CSMD2: variants seen among roughly 807,000 people sequenced by gnomAD.
CSMD2 encodes CUB and sushi domain-containing protein 2.
CSMD2 carries 130 observed loss-of-function variants against 398.5 expected under a neutral mutation model. That is an observed-to-expected ratio of 0.33 (90% CI 0.28 to 0.38). The LOEUF is 0.38. Ranked by LOEUF, CSMD2 falls within the 10% of genes least tolerant of loss-of-function variation. The pLI, the probability that CSMD2 is intolerant of heterozygous loss-of-function variation, is 1.00. For synonymous variants in CSMD2, 1,828 were observed against 1,908.5 expected (o/e 0.96, Z 1.10); for missense variants, 3,829 against 4,764.9 (o/e 0.80, Z 5.78).
In CSMD2 at chr1:33,977,711, C is replaced by T. The variant is rs181740351; in HGVS notation, c.518-41757G>A. Among the ~76,000 whole-genome samples the T allele has an allele frequency of 1.5e-3, 228 of 152,122 alleles. 2 individuals are homozygous for T. The highest frequency in any genetic ancestry group is 0.014 in the Middle Eastern group (4 of 294). ...CCTGAGATGCCCTTCCCTGACCCAA[C>T]CCTTCCACATGCTGACCCTGTGGAA... On this transcript the variant is annotated intron_variant, in intron 3 of 70. Coordinates refer to ENST00000373381, the MANE Select transcript of CSMD2 (RefSeq NM_001281956.2).
At chr1:33,719,280 G>A (rs1571333218) in intron 19 of CSMD2, among the ~76,000 whole-genome samples, 1 of 152,200 alleles carries the variant, frequency 6.6e-6, no homozygotes, top group East Asian at 1.9e-4. Context: ...ATGGAGTTGG[G>A]TGGAGAGCGG....
chr1:34,043,548 A>G (rs1652119951), intron 2 of CSMD2, among the ~76,000 whole-genome samples: 1 of 152,218 alleles, frequency 6.6e-6, no homozygotes. Context: ...AAGACTATCT[A>G]TAACCTTTTC....
At chr1:33,821,997 A>G (rs578070165) in intron 7 of CSMD2, among the ~76,000 whole-genome samples, 2 of 152,256 alleles carry the variant, frequency 1.3e-5, no homozygotes, top group East Asian at 1.9e-4. Flanking sequence ...GACAAGGAAG[A>G]GTGGATGGTG....
At chr1:33,892,521 C>T (rs1205039480) in intron 5 of CSMD2, among the ~76,000 whole-genome samples, 1 of 152,106 alleles carries the variant, frequency 6.6e-6, no homozygotes, top group African/African-American at 2.4e-5. Context: ...CACTCTTATG[C>T]CTTTGCACCC....
chr1:33,747,023 C>G (rs1190307011), intron 13 of CSMD2, among the ~76,000 whole-genome samples: 3 of 152,092 alleles, frequency 2.0e-5, no homozygotes, highest in Admixed American at 6.6e-5. Context: ...ATGAATGAGC[C>G]AAGTTGTTAA....
chr1:34,048,695 C>A (rs916822662), intron 2 of CSMD2, among the ~76,000 whole-genome samples: 1 of 152,180 alleles, frequency 6.6e-6, no homozygotes, highest in South Asian at 2.1e-4. Context: ...GTTTTGAGCA[C>A]CGCACCTGGT....
chr1:34,135,216 T>A (rs916294981), intron 1 of CSMD2, among the ~76,000 whole-genome samples: 1 of 150,756 alleles, frequency 6.6e-6, no homozygotes, highest in Non-Finnish European at 1.5e-5. Context: ...AAATCCATTC[T>A]ATAGACATCT....
Position 33,518,318 on chromosome 1 carries a change from C to A in CSMD2, c.*53+1147G>T, listed in dbSNP as rs145688443. ...GAAGGAGGACACAGTGAGGAAGAGG[C>A]AGTGCCTTTTAGATTCATCAGTTCC... On this transcript the variant is annotated intron_variant, in intron 70 of 70. Transcript: ENST00000373381. This position sits in a 1 kb window ranked among gnomAD's most constrained non-coding sequence, Gnocchi z 4.3. 4.1e-4 allele frequency among the ~76,000 whole-genome samples: 62 copies of A among 152,306 alleles called. No individual in the cohort carries two copies. In the East Asian group the frequency reaches 0.012, roughly 28 times the overall value.
In CSMD2 at chr1:33,704,929, ATT is replaced by A. The variant is rs61275822; in HGVS notation, c.3576+4158_3576+4159del. 2.9e-4 allele frequency among the ~76,000 whole-genome samples: 41 copies of A among 140,470 alleles called. No homozygotes were observed. In the South Asian group the frequency reaches 4.8e-3, roughly 16 times the overall value. The allele number at this position is 140,470 out of a possible 152,430, so 92.2% of individuals were successfully genotyped here. A position where few individuals can be genotyped will look rare whatever the true frequency, so the allele number is the denominator to read the frequency against. On this transcript the variant is annotated intron_variant, in intron 22 of 70. Coordinates refer to ENST00000373381, the MANE Select transcript of CSMD2 (RefSeq NM_001281956.2). ...AGGCACCCGCCATCACGTCCCGCTA[ATT>A]TTTTTTTTTTTTTTGTATTTTTACT...
intron 6 of CSMD2, among the ~76,000 whole-genome samples, chr1:33,841,835 C>A (rs1446804253): frequency 1.3e-5 from 2 of 152,188 alleles, no homozygotes; most frequent in Non-Finnish European, 2.9e-5. Flanking sequence ...TGCTGGAGGA[C>A]CTGTTAGTCT....
chr1:33,794,939 A>G (rs370163602), intron 10 of CSMD2, among the ~76,000 whole-genome samples: 104 of 112,836 alleles, frequency 9.2e-4, no homozygotes, highest in Middle Eastern at 5.0e-3. Context: ...GTAGGATGTG[A>G]GCCTGTAGCA....
chr1:33,689,113 AAAG>A (rs1259003255), intron 25 of CSMD2, among the ~76,000 whole-genome samples: 1 of 149,744 alleles, frequency 6.7e-6, no homozygotes, highest in Non-Finnish European at 1.5e-5. Context: ...AGGGAGTGGG[AAAG>A]AAGAAGGGAA....
At chr1:34,091,098 T>G (rs1169249120) in intron 1 of CSMD2, among the ~76,000 whole-genome samples, 1 of 152,120 alleles carries the variant, frequency 6.6e-6, no homozygotes, top group Non-Finnish European at 1.5e-5. Context: ...CATGACACCG[T>G]AACTTCTCCT....
At chr1:33,878,369 T>C (rs1640992174) in intron 5 of CSMD2, 1 of 152,256 alleles carries the variant, frequency 6.6e-6, no homozygotes, top group African/African-American at 2.4e-5. Flanking sequence ...GAGACCCACA[T>C]GTGGTCCATT....
At chr1:33,993,584 T>A (rs549519939) in intron 3 of CSMD2, among the ~76,000 whole-genome samples, 5 of 152,262 alleles carry the variant, frequency 3.3e-5, no homozygotes, top group Non-Finnish European at 4.4e-5. Context: ...CGTCACTTCT[T>A]TTTTCCTTTG....
chr1:34,135,315 A>C (rs1638620996), intron 1 of CSMD2, among the ~76,000 whole-genome samples: 1 of 150,892 alleles, frequency 6.6e-6, no homozygotes, highest in Non-Finnish European at 1.5e-5. Flanking sequence ...TGTTTGGGGT[A>C]GCCCAAAACT....
rs1006423468 is a variant in CSMD2, at chr1:33,559,009, C to T, written c.8554+291G>A. ...AAAATAAACCTCTGTTAAAAAATAA[C>T]GGGGCTTTATAAGATAATGATACAT... On this transcript the variant is annotated intron_variant, in intron 54 of 70. Transcript: ENST00000373381. This position sits in a 1 kb window ranked among gnomAD's most constrained non-coding sequence, Gnocchi z 4.0. 5.3e-5 allele frequency among the ~76,000 whole-genome samples: 8 copies of T among 152,014 alleles called. No homozygotes were observed. The highest frequency in any genetic ancestry group is 9.7e-5 in the African/African-American group (4 of 41,368).
intron 20 of CSMD2, 54 bp from the exon 21 acceptor site, chr1:33,714,829 C>T (rs1240548994): frequency 2.5e-6 from 4 of 1,578,616 alleles, no homozygotes; most frequent in African/African-American, 2.7e-5. Flanking sequence ...AGACACAAAG[C>T]AAAAAGATGG....
Position 33,724,264 on chromosome 1 carries a change from T to C in CSMD2, c.2934A>G (p.Pro978=). Reference sequence around the variant, plus strand: ...TGTTGGGGTAGAAGTCAGGGAACCCTGGCGACAAGATGGTCCCACTGGAGC... The same window carrying C: ...TGTTGGGGTAGAAGTCAGGGAACCCCGGCGACAAGATGGTCCCACTGGAGC... ...IQGSSGTILS[P]GFPDFYPNNL... The change falls in exon 19 of 71, where the codon CCA becomes CCG. Residue 978 remains proline, a synonymous_variant. Coordinates refer to ENST00000373381, the MANE Select transcript of CSMD2 (RefSeq NM_001281956.2). 6.2e-7 allele frequency: 1 copy of C among 1,614,100 alleles called. No homozygotes were observed. Among genetic ancestry groups the C allele is most frequent in the Non-Finnish European group, 8.5e-7 (1 of 1,179,988 alleles).
Sources: allele counts gnomAD v4.1 joint callset (sites outside exome capture counted in the v4.1 genomes callset), GRCh38; gene constraint gnomAD v4.1.1; non-coding constraint Gnocchi (gnomAD v3.1); transcripts MANE v1.5; gene names NCBI Gene and HGNC (gene_info 2026-07-23, HGNC 2026-07-21).